The following PHF8 variants were observed in gnomAD, a reference collection of about 807,000 sequenced individuals.
The protein encoded by PHF8 is PHD finger protein 8, also known as histone lysine demethylase PHF8.
Under a neutral mutation model 74.4 loss-of-function variants are expected in PHF8, and 9 were observed. The ratio of observed to expected loss-of-function variants is 0.12; its 90% CI spans 0.07 to 0.21. The LOEUF (loss-of-function observed/expected upper bound fraction) is 0.21. Ranked by LOEUF, PHF8 falls within the 10% of genes least tolerant of loss-of-function variation. The probability of loss-of-function intolerance (pLI) is 1.00; values close to 1 mark genes in which losing one functional copy is unlikely to be tolerated. For synonymous variants in PHF8, 311 were observed against 316.6 expected, an observed-to-expected ratio of 0.98 and a Z score of 0.19; for missense variants, 478 against 816.6, an observed-to-expected ratio of 0.59 and a Z score of 5.05.
At chrX:53,991,275 C>T (rs782555732) in intron 14 of PHF8, among the ~76,000 whole-genome samples, 2 of 111,973 alleles carry the variant, frequency 1.8e-5, no homozygotes, top group African/African-American at 6.5e-5. Context: ...AAAGTAAATA[C>T]GTGCTCATTG....
chrX:54,008,512 A>C (rs1159031171), intron 8 of PHF8, among the ~76,000 whole-genome samples: 2 of 109,886 alleles, frequency 1.8e-5, no homozygotes, highest in African/African-American at 6.6e-5. Flanking sequence ...AATATGGTGA[A>C]ACCCCATCTC....
chrX:54,035,415 G>A (rs2066435450), intron 2 of PHF8, among the ~76,000 whole-genome samples: 1 of 105,268 alleles, frequency 9.5e-6, no homozygotes, highest in Admixed American at 9.9e-5. Flanking sequence ...CTGGTAAAAT[G>A]TCAAGAGCAG....
chrX:53,940,149 C>T, intron 21 of PHF8, 31 bp downstream of exon 21: 2 of 1,104,879 alleles, frequency 1.8e-6, no homozygotes, highest in Non-Finnish European at 2.5e-6. Flanking sequence ...CTCTAAGATC[C>T]TTCGGTTCTA....
At chrX:53,968,778 C>T (rs1386659293) in intron 18 of PHF8, among the ~76,000 whole-genome samples, 2 of 111,198 alleles carry the variant, frequency 1.8e-5, no homozygotes, top group Non-Finnish European at 3.8e-5. Flanking sequence ...GGCGTGATGG[C>T]GGGCATCTGT....
At chrX:54,031,294 G>A (rs782348891) in intron 2 of PHF8, among the ~76,000 whole-genome samples, 2 of 110,602 alleles carry the variant, frequency 1.8e-5, no homozygotes, top group Admixed American at 9.7e-5. Context: ...ATCCTGTCTG[G>A]CTTCTTATCT....
At chrX:53,993,024 T>C in intron 13 of PHF8, 185 bp from the exon 14 acceptor site, 1 of 452,760 alleles carries the variant, frequency 2.2e-6, no homozygotes, top group South Asian at 3.1e-5. Flanking sequence ...GTGTGGTTGG[T>C]TCAGGGGACA....
chrX:54,021,299 A>T (rs1302720744), intron 4 of PHF8, among the ~76,000 whole-genome samples: 3 of 109,929 alleles, frequency 2.7e-5, no homozygotes, highest in African/African-American at 9.9e-5. Context: ...GTTGGGAGGG[A>T]GGTAGTAGGG....
At chrX:54,017,610 T>C (rs781910436) in intron 5 of PHF8, 51 bp downstream of exon 5, 4 of 1,067,404 alleles carry the variant, frequency 3.7e-6, no homozygotes, top group East Asian at 3.0e-5. Flanking sequence ...GGGACACAGA[T>C]CTTGACAGGA....
chrX:53,998,840 T>G (rs1488872428), intron 11 of PHF8, among the ~76,000 whole-genome samples: 1 of 111,750 alleles, frequency 8.9e-6, no homozygotes, highest in Non-Finnish European at 1.9e-5. Context: ...TCAAGAGCCT[T>G]ACATTTTTTC....
Position 54,043,783 on chromosome X carries a change from A to G in PHF8, c.-114T>C, listed in dbSNP as rs1023226002. The G allele has an allele frequency of 1.3e-5, 10 of 745,897 alleles. No homozygotes were observed. Among genetic ancestry groups the G allele is most frequent in the Non-Finnish European group, 1.6e-5 (10 of 633,088 alleles). The allele number at this position is 745,897 out of a possible 1,213,427, so 61.5% of individuals were successfully genotyped here. A position where few individuals can be genotyped will look rare whatever the true frequency, so the allele number is the denominator to read the frequency against. On this transcript the variant is annotated 5_prime_UTR_variant, in exon 1 of 22. Coordinates refer to ENST00000338154, the MANE Select transcript of PHF8 (RefSeq NM_015107.3). The stretch of plus-strand genomic sequence containing the variant: ...TTACAGGAATCTTAACGCTTCCCCA[A>G]CTGACAGGAACCTCCTCACGCCCCA...
chrX:53,949,107 C>A (rs1420771336), intron 19 of PHF8, among the ~76,000 whole-genome samples: 1 of 106,219 alleles, frequency 9.4e-6, no homozygotes, highest in East Asian at 3.0e-4. Context: ...CCGAGGTGAG[C>A]GGATCACCTG....
At chrX:54,014,677 C>T in intron 6 of PHF8, 114 bp from the exon 7 acceptor site, 2 of 544,183 alleles carry the variant, frequency 3.7e-6, no homozygotes, top group Non-Finnish European at 3.2e-6. Context: ...AACAAGTTCC[C>T]TCCACAGAAT....
rs1557082684 is a variant in PHF8 at position 53,939,203 on chromosome X, G to A, written c.3030C>T (p.Leu1010=). The A allele has an allele frequency of 3.3e-6, 4 of 1,210,451 alleles. No homozygotes were observed. The highest frequency in any genetic ancestry group is 2.3e-4 in the Middle Eastern group (1 of 4,346). The stretch of plus-strand genomic sequence containing the variant: ...TTCTGTGGATTTTCAGGATACGGCC[G>A]AGTCTCTGCTTTGCTGTGGCCAGGC... ...KKGLATAKQR[L]GRILKIHRNG... is the part of the protein sequence containing the mutation. The change falls in exon 22 of 22, where the codon CTC becomes CTT. Residue 1010 remains leucine, a synonymous_variant. Coordinates refer to ENST00000338154, the MANE Select transcript of PHF8 (RefSeq NM_015107.3).
In PHF8 at chrX:53,937,650, G is replaced by C. The variant is rs1557082129; in HGVS notation, c.*1508C>G. Reference sequence around the variant, plus strand: ...CCCCTGATTCCAAGGAAGGAAAGTAGAGGCAGGGCTATGGAGAAAAGAAAG... The same window carrying C: ...CCCCTGATTCCAAGGAAGGAAAGTACAGGCAGGGCTATGGAGAAAAGAAAG... On this transcript the variant is annotated 3_prime_UTR_variant, in exon 22 of 22. Coordinates refer to ENST00000338154, the MANE Select transcript of PHF8 (RefSeq NM_015107.3). 4.8e-6 allele frequency: 1 copy of C among 206,719 alleles called. No individual in the cohort carries two copies. The highest frequency in any genetic ancestry group is 8.6e-5 in the East Asian group (1 of 11,603). 17.0% of individuals were successfully genotyped at this position (206,719 alleles called of 1,213,427 possible).
chrX:54,005,099 TAAGAC>T (rs1462723116), intron 8 of PHF8, among the ~76,000 whole-genome samples: 1 of 110,951 alleles, frequency 9.0e-6, no homozygotes, highest in Non-Finnish European at 1.9e-5. Flanking sequence ...CTTGCGGGAC[TAAGAC>T]AAGATACAAA....
rs781919076 is a variant in PHF8 at position 54,022,128 on chromosome X, G to A, written c.293+131C>T. On this transcript the variant is annotated intron_variant, in intron 4 of 21. Coordinates refer to ENST00000338154, the MANE Select transcript of PHF8 (RefSeq NM_015107.3). ...GAATTGACCAAACCAGAAGGAATTT[G>A]CAGAGCCCTGAAGATACTCACAAAC... 4 of 493,485 alleles carry A rather than the reference G, an allele frequency of 8.1e-6. No individual in the cohort carries two copies. In the East Asian group the frequency reaches 1.4e-4, roughly 17 times the overall value. 40.7% of individuals were successfully genotyped at this position (493,485 alleles called of 1,213,427 possible). A position where few individuals can be genotyped will look rare whatever the true frequency, so the allele number is the denominator to read the frequency against.
chrX:53,957,800 T>C (rs1557089235), intron 19 of PHF8, among the ~76,000 whole-genome samples: 1 of 111,440 alleles, frequency 9.0e-6, no homozygotes, highest in African/African-American at 3.3e-5. Context: ...CCCTTTTTCC[T>C]TTTGCTTTTC....
rs190868015 is a variant in PHF8, at chrX:53,965,910, A to G, written c.2444-2971T>C. The stretch of plus-strand genomic sequence containing the variant: ...GGGAAGTATGGCCCATTTACGGGGG[A>G]AAAAAAAAGAGAAACTGACAAAAAC... On this transcript the variant is annotated intron_variant, in intron 18 of 21. Transcript: ENST00000338154. Among the ~76,000 whole-genome samples the G allele has an allele frequency of 3.5e-3, 381 of 108,952 alleles. 4 individuals carry two copies. In the East Asian group the frequency reaches 0.049, roughly 14 times the overall value. 94.6% of individuals were successfully genotyped at this position (108,952 alleles called of 115,157 possible).
chrX:53,977,763 C>G (rs1454492502), intron 18 of PHF8, among the ~76,000 whole-genome samples: 1 of 107,728 alleles, frequency 9.3e-6, no homozygotes, highest in Non-Finnish European at 1.9e-5. Flanking sequence ...TCTCCTGCCT[C>G]AGCCTCCTGA....
Sources: gnomAD v4.1 joint callset for allele counts (sites outside exome capture counted in the v4.1 genomes callset) on GRCh38, gnomAD v4.1.1 for gene constraint, MANE v1.5 for transcripts, NCBI Gene and HGNC (gene_info 2026-07-23, HGNC 2026-07-21) for gene names.